The following PTPRD variants were observed in gnomAD, a reference collection of about 807,000 sequenced individuals.
PTPRD encodes protein tyrosine phosphatase receptor type D.
In PTPRD, 34 loss-of-function variants were observed where a neutral mutation model predicts 214.5. The ratio of observed to expected loss-of-function variants is 0.16; its 90% CI spans 0.12 to 0.21. The LOEUF (loss-of-function observed/expected upper bound fraction) is 0.21, where lower values mean the gene tolerates loss of function less well. Ranked by LOEUF, PTPRD falls within the 10% of genes least tolerant of loss-of-function variation. The pLI is 1.00. For missense variants in PTPRD, 2,545 were observed against 2,398.7 expected (o/e 1.06, Z -1.27); for synonymous variants, 1,128 against 845.7 (o/e 1.33, Z -5.79).
intron 7 of PTPRD, among the ~76,000 whole-genome samples, chr9:9,691,051 G>A (rs907041431): frequency 1.3e-5 from 2 of 151,638 alleles, no homozygotes; most frequent in African/African-American, 4.8e-5. Flanking sequence ...TACTTATGGT[G>A]TACACGAGAT....
intron 8 of PTPRD, among the ~76,000 whole-genome samples, chr9:9,520,634 G>A (rs1190880445): frequency 2.6e-5 from 4 of 152,082 alleles, no homozygotes; most frequent in Non-Finnish European, 5.9e-5. Context: ...AACAGTTATC[G>A]AGATATAAAT....
In PTPRD at chr9:8,915,503, G is replaced by A. The variant is rs974962592; in HGVS notation, c.-104+103194C>T. Among the ~76,000 whole-genome samples, 12 of 152,134 alleles carry A rather than the reference G, an allele frequency of 7.9e-5. No individual in the cohort carries two copies. The South Asian group carries it at 1.5e-3, about 18-fold the overall frequency. ...GATATGTGTGTGTGTGTGCACATTC[G>A]TGTGTGTGTATATATACAAACATAT... On this transcript the variant is annotated intron_variant, in intron 11 of 45. Transcript: ENST00000381196.
At chr9:9,693,878 A>T (rs1278013430) in intron 7 of PTPRD, among the ~76,000 whole-genome samples, 2 of 152,188 alleles carry the variant, frequency 1.3e-5, no homozygotes, top group African/African-American at 4.8e-5. Context: ...TTCTGCTATT[A>T]AGAGACTCTG....
At chr9:9,104,994 A>T (rs2099796488) in intron 10 of PTPRD, among the ~76,000 whole-genome samples, 2 of 152,212 alleles carry the variant, frequency 1.3e-5, no homozygotes. Flanking sequence ...GACTTCAGAG[A>T]AACAAATCCG....
intron 14 of PTPRD, among the ~76,000 whole-genome samples, chr9:8,599,084 T>G (rs2094646583): frequency 6.6e-6 from 1 of 152,130 alleles, no homozygotes; most frequent in South Asian, 2.1e-4. Flanking sequence ...TCCCAAGCTG[T>G]TCTCATGAGA....
intron 5 of PTPRD, among the ~76,000 whole-genome samples, chr9:9,927,533 G>A (rs1457966649): frequency 6.6e-6 from 1 of 152,028 alleles, no homozygotes; most frequent in Non-Finnish European, 1.5e-5. Context: ...TCTGTCTTCT[G>A]GAAAACAATT....
chr9:8,557,455 T>TATATATATATATATACAC, intron 14 of PTPRD, among the ~76,000 whole-genome samples: 1 of 135,638 alleles, frequency 7.4e-6, no homozygotes, highest in African/African-American at 3.5e-5. Context: ...TATATATATA[T>TATATATATATATATACAC]ATTTGGGCCG....
intron 7 of PTPRD, among the ~76,000 whole-genome samples, chr9:9,682,659 G>T (rs1252630857): frequency 2.6e-5 from 4 of 151,698 alleles, no homozygotes; most frequent in Non-Finnish European, 5.9e-5. Flanking sequence ...CTGTCCAGGT[G>T]TTGGTAGAGT....
At chr9:10,381,906 T>C (rs188446334) in intron 2 of PTPRD, among the ~76,000 whole-genome samples, 15 of 152,084 alleles carry the variant, frequency 9.9e-5, no homozygotes, top group Non-Finnish European at 1.3e-4. Context: ...AATAGTAATA[T>C]CTAAACCCAA....
intron 11 of PTPRD, among the ~76,000 whole-genome samples, chr9:8,924,465 A>C (rs1567029220): frequency 6.6e-6 from 1 of 152,126 alleles, no homozygotes; most frequent in Non-Finnish European, 1.5e-5. Context: ...ATGTTGCATC[A>C]ATTTGCGGAA....
chr9:9,124,380 A>T (rs1366082754), intron 10 of PTPRD, among the ~76,000 whole-genome samples: 1 of 152,190 alleles, frequency 6.6e-6, no homozygotes, highest in Non-Finnish European at 1.5e-5. Context: ...TTATCTAAAT[A>T]ACTATCTTAA....
intron 4 of PTPRD, among the ~76,000 whole-genome samples, chr9:10,014,255 A>G (rs2096656376): frequency 6.6e-6 from 1 of 152,014 alleles, no homozygotes; most frequent in African/African-American, 2.4e-5. Flanking sequence ...AGATGAGGAA[A>G]CTAAGACTCA....
chr9:9,069,421 G>A (rs1007127751), intron 10 of PTPRD, among the ~76,000 whole-genome samples: 5 of 152,170 alleles, frequency 3.3e-5, no homozygotes, highest in Non-Finnish European at 5.9e-5. Context: ...GGTTTGGGAA[G>A]AGAGAAAAGT....
chr9:9,661,767 A>T (rs1261056554), intron 7 of PTPRD, among the ~76,000 whole-genome samples: 1 of 151,810 alleles, frequency 6.6e-6, no homozygotes, highest in African/African-American at 2.4e-5. Context: ...AAAATAAAGG[A>T]AGAAAGAGAA....
At chr9:9,542,480 A>G (rs1361590988) in intron 8 of PTPRD, among the ~76,000 whole-genome samples, 4 of 151,852 alleles carry the variant, frequency 2.6e-5, no homozygotes, top group African/African-American at 4.8e-5. Flanking sequence ...CAAAATTAAC[A>G]ATGCCAAATC....
chr9:9,344,476 C>T (rs1022000593), intron 9 of PTPRD, among the ~76,000 whole-genome samples: 110 of 151,594 alleles, frequency 7.3e-4, no homozygotes, highest in African/African-American at 2.6e-3. Context: ...CACATGTATC[C>T]CAGAACTTAA....
intron 20 of PTPRD, among the ~76,000 whole-genome samples, chr9:8,520,009 GAAAAT>G (rs1306401276): frequency 6.6e-6 from 1 of 152,154 alleles, no homozygotes; most frequent in East Asian, 1.9e-4. Flanking sequence ...GGAATTTACT[GAAAAT>G]AATAATAAAA....
chr9:10,479,687 T>C (rs1283123921), intron 2 of PTPRD, among the ~76,000 whole-genome samples: 2 of 93,308 alleles, frequency 2.1e-5, no homozygotes, highest in Non-Finnish European at 4.7e-5. Context: ...TTGCCAAGCA[T>C]AGTGGTGTGC....
intron 4 of PTPRD, among the ~76,000 whole-genome samples, chr9:9,953,931 G>A (rs572968471): frequency 6.6e-6 from 1 of 152,038 alleles, no homozygotes; most frequent in East Asian, 1.9e-4. Context: ...GGATTTCTTT[G>A]CTGTGTTTTT....
Sources: gnomAD v4.1 joint callset for allele counts (sites outside exome capture counted in the v4.1 genomes callset) on GRCh38, gnomAD v4.1.1 for gene constraint, MANE v1.5 for transcripts, NCBI Gene and HGNC (gene_info 2026-07-23, HGNC 2026-07-21) for gene names.